The following CELSR1 variants were observed in gnomAD, a reference collection of about 807,000 sequenced individuals.
CELSR1 encodes the protein adhesion G protein-coupled receptor C1.
In CELSR1, 110 loss-of-function variants were observed where a neutral mutation model predicts 249.1. The ratio of observed to expected loss-of-function variants is 0.44; its 90% CI spans 0.38 to 0.52. CELSR1 has a LOEUF of 0.52. CELSR1 is among the 20% of genes least tolerant of loss of function. CELSR1 has a pLI of 0.00. For missense variants in CELSR1, 4,109 were observed against 4,296.4 expected, an observed-to-expected ratio of 0.96 and a Z score of 1.22; for synonymous variants, 2,113 against 1,900.0, an observed-to-expected ratio of 1.11 and a Z score of -2.92.
chr22:46,523,034 C>T (rs1403367522), intron 1 of CELSR1, among the ~76,000 whole-genome samples: 3 of 152,224 alleles, frequency 2.0e-5, no homozygotes, highest in African/African-American at 7.2e-5. Flanking sequence ...AACCGCCCTG[C>T]AACAATCAAC....
At chr22:46,457,057 C>CA (rs2079963571) in intron 2 of CELSR1, among the ~76,000 whole-genome samples, 1 of 152,226 alleles carries the variant, frequency 6.6e-6, no homozygotes, top group Non-Finnish European at 1.5e-5. Flanking sequence ...GAGCACCCGA[C>CA]ACTCCCGAAG....
intron 1 of CELSR1, chr22:46,530,386 T>C (rs1398188345): frequency 6.7e-6 from 1 of 150,064 alleles, no homozygotes; most frequent in African/African-American, 2.4e-5. Flanking sequence ...TAAATTGTTT[T>C]TCAAAAATAA....
chr22:46,482,713 CA>C (rs993831698), intron 1 of CELSR1, among the ~76,000 whole-genome samples: 1 of 145,072 alleles, frequency 6.9e-6, no homozygotes. Flanking sequence ...AATCCCGCCT[CA>C]AAAAAAAAAG....
In CELSR1 at chr22:46,437,607, C is replaced by T. The variant is rs529574635; in HGVS notation, c.4407-1318G>A. On this transcript the variant is annotated intron_variant, in intron 3 of 34. Coordinates refer to ENST00000674500, the MANE Select transcript of CELSR1 (RefSeq NM_001378328.1). The surrounding 1 kb of genome is among the most constrained non-coding windows in gnomAD (Gnocchi z 4.9). ...CTCTACTAAAAATACGAAAATTAGC[C>T]GGGCATGGTGGTGGGCACCTGTAAT... 2.6e-5 allele frequency among the ~76,000 whole-genome samples: 4 copies of T among 151,994 alleles called. No homozygotes were observed. The highest frequency in any genetic ancestry group is 1.9e-4 in the East Asian group (1 of 5,186).
Position 46,446,680 on chromosome 22 carries a change from G to C in CELSR1, c.4184-7269C>G, listed in dbSNP as rs2079825040. 6.6e-6 allele frequency among the ~76,000 whole-genome samples: 1 copy of C among 152,144 alleles called. No homozygotes were observed. Among genetic ancestry groups the C allele is most frequent in the South Asian group, 2.1e-4 (1 of 4,826 alleles). On this transcript the variant is annotated intron_variant, in intron 2 of 34. Coordinates refer to ENST00000674500, the MANE Select transcript of CELSR1 (RefSeq NM_001378328.1). This position sits in a 1 kb window ranked among gnomAD's most constrained non-coding sequence, Gnocchi z 5.5. ...TGTGAAATGAAGTCAAAAAATGCCA[G>C]GATTTCCCCAGTTCCAAGCCAATGA...
Position 46,533,734 on chromosome 22 carries a change from T to C in CELSR1, c.3437A>G (p.Asn1146Ser). 2 of 1,613,266 alleles carry C rather than the reference T, an allele frequency of 1.2e-6. No homozygotes were observed. The highest frequency in any genetic ancestry group is 1.7e-6 in the Non-Finnish European group (2 of 1,180,012). The change falls in exon 1 of 35, where the codon AAC (asparagine) becomes AGC (serine). Residue 1146 changes from asparagine to serine, a missense_variant. Coordinates refer to ENST00000674500, the MANE Select transcript of CELSR1 (RefSeq NM_001378328.1). ...DSLNYTFVQG[N>S]ELRLLLLDPA... is the part of the protein sequence containing the mutation. ...GTCCAGCAGCAACAGGCGCAGCTCG[T>C]TGCCCTGCACGAAGGTGTAGTTGAG...
chr22:46,490,691 C>T lies in CELSR1; in HGVS notation c.3545-26346G>A, dbSNP rs569817774. On this transcript the variant is annotated intron_variant, in intron 1 of 34. Transcript: ENST00000674500. This position sits in a 1 kb window ranked among gnomAD's most constrained non-coding sequence, Gnocchi z 5.2. ...CAGACTCAGGAAAGTGGTGGGTGTG[C>T]GGGGACACTTTAAAATACCAGAAAA... Among the ~76,000 whole-genome samples the T allele has an allele frequency of 1.3e-5, 2 of 152,218 alleles. No individual in the cohort carries two copies. Among genetic ancestry groups the T allele is most frequent in the South Asian group, 4.1e-4 (2 of 4,828 alleles).
intron 1 of CELSR1, among the ~76,000 whole-genome samples, chr22:46,533,046 G>A (rs1403590710): frequency 2.0e-5 from 3 of 152,192 alleles, no homozygotes. Flanking sequence ...AAGATCAAAT[G>A]AGGCTATGCT....
At chr22:46,372,429 T>TC (rs1345496928) in intron 25 of CELSR1, among the ~76,000 whole-genome samples, 1 of 47,556 alleles carries the variant, frequency 2.1e-5, no homozygotes, top group African/African-American at 1.1e-4. Context: ...ATCCATCCAC[T>TC]CATTCACCCC....
Position 46,364,086 on chromosome 22 carries a change from C to A in CELSR1, c.8945G>T (p.Ser2982Ile). ...GTCACGCCCCGGCTCCCTCCCAGGG[C>A]TCTTGACTGTGATGGCGCAGTCGGG... ...GGPDCAITVKSPGREPGRDHL... is the reference protein window; with the variant it reads ...GGPDCAITVKIPGREPGRDHL... Residue 2982 changes from serine to isoleucine, a missense_variant, in exon 34 of 35, where the codon AGC becomes ATC. Coordinates refer to ENST00000674500, the MANE Select transcript of CELSR1 (RefSeq NM_001378328.1). 1 of 1,612,412 alleles carries A rather than the reference C, an allele frequency of 6.2e-7. No individual in the cohort carries two copies. Among genetic ancestry groups the A allele is most frequent in the Non-Finnish European group, 8.5e-7 (1 of 1,179,702 alleles).
At chr22:46,461,082 G>A (rs898029923) in intron 2 of CELSR1, among the ~76,000 whole-genome samples, 3 of 152,178 alleles carry the variant, frequency 2.0e-5, no homozygotes, top group Non-Finnish European at 4.4e-5. Flanking sequence ...CCCCTCTGCC[G>A]ACAGCACCAC....
intron 24 of CELSR1, among the ~76,000 whole-genome samples, chr22:46,375,836 T>C (rs1416104095): frequency 1.3e-5 from 2 of 152,198 alleles, no homozygotes; most frequent in African/African-American, 4.8e-5. Context: ...TGAACCAACG[T>C]GCCCAGCCTA....
chr22:46,403,971 C>CAAAAAAAAAAAA (rs756055741), intron 9 of CELSR1, among the ~76,000 whole-genome samples: 2 of 48,416 alleles, frequency 4.1e-5, no homozygotes, highest in Non-Finnish European at 9.3e-5. Context: ...AACTCCGTCT[C>CAAAAAAAAAAAA]AAAAAAAAAA....
At position 46,381,542 on chromosome 22, in the gene CELSR1, G is replaced by A. The variant is rs1273427211; in HGVS notation, c.7088+304C>T. 1.3e-5 allele frequency among the ~76,000 whole-genome samples: 2 copies of A among 152,232 alleles called. No homozygotes were observed. Among genetic ancestry groups the A allele is most frequent in the African/African-American group, 2.4e-5 (1 of 41,464 alleles). ...GACAGCCTTGGGCCAGGTGTGTGGGGACAGAATGGGGTCCCTCTGGGCACA... is the reference window on the plus strand; with the variant it reads ...GACAGCCTTGGGCCAGGTGTGTGGGAACAGAATGGGGTCCCTCTGGGCACA... On this transcript the variant is annotated intron_variant, in intron 21 of 34. Coordinates refer to ENST00000674500, the MANE Select transcript of CELSR1 (RefSeq NM_001378328.1). The surrounding 1 kb of genome is among the most constrained non-coding windows in gnomAD (Gnocchi z 6.0).
Position 46,534,770 on chromosome 22 carries a change from C to A in CELSR1, c.2401G>T (p.Asp801Tyr). ...SSHYTVSVSEDRPVGTSIATL... is the reference protein window; with the variant it reads ...SSHYTVSVSEYRPVGTSIATL... The stretch of plus-strand genomic sequence containing the variant: ...GCAATGGAGGTGCCCACAGGCCTGT[C>A]CTCACTGACACTCACTGTGTAATGG... Residue 801 changes from aspartate to tyrosine, a missense_variant, in exon 1 of 35, where the codon GAC (aspartate) becomes TAC (tyrosine). Physicochemically the swap from Asp to Tyr is radical, Grantham distance 160. This residue lies in a region of CELSR1 where 886 missense variants were observed against 896.5 expected (regional missense o/e 0.99). Coordinates refer to ENST00000674500, the MANE Select transcript of CELSR1 (RefSeq NM_001378328.1). This position sits in a 1 kb window ranked among gnomAD's most constrained non-coding sequence, Gnocchi z 9.7. 1 of 1,613,136 alleles carries A rather than the reference C, an allele frequency of 6.2e-7. No homozygotes were observed. Among genetic ancestry groups the A allele is most frequent in the Non-Finnish European group, 8.5e-7 (1 of 1,180,004 alleles).
chr22:46,373,378 AT>A (rs990809035), intron 24 of CELSR1, among the ~76,000 whole-genome samples: 2 of 142,842 alleles, frequency 1.4e-5, no homozygotes, highest in African/African-American at 5.0e-5. Context: ...GCACTTGAAG[AT>A]GTGGCCCCAA....
rs762374578 is a variant in CELSR1 at position 46,365,697 on chromosome 22, G to T, written c.8301-8C>A. 7.7e-6 allele frequency: 12 copies of T among 1,559,852 alleles called. No individual in the cohort carries two copies. The highest frequency in any genetic ancestry group is 1.4e-5 in the African/African-American group (1 of 73,516). On this transcript the variant is annotated splice_polypyrimidine_tract_variant and splice_region_variant and intron_variant, in intron 30 of 34. Transcript: ENST00000674500. The stretch of plus-strand genomic sequence containing the variant: ...TTCTGGATCCCTTCATCCCTAGAGA[G>T]GCCAGGGAGGGTGGGCTCAGTATCA...
rs1218533991 is a variant in CELSR1 at position 46,423,432 on chromosome 22, C to T, written c.4611+9961G>A. On this transcript the variant is annotated intron_variant, in intron 5 of 34. Transcript: ENST00000674500. The surrounding 1 kb of genome is among the most constrained non-coding windows in gnomAD (Gnocchi z 5.6). ...AAGACCAGCCTCAACATGGAGAAACCCCGTCTCTACTAAAAATACAAAATT... is the reference window on the plus strand; with the variant it reads ...AAGACCAGCCTCAACATGGAGAAACTCCGTCTCTACTAAAAATACAAAATT... 6.6e-6 allele frequency among the ~76,000 whole-genome samples: 1 copy of T among 150,482 alleles called. No homozygotes were observed. Among genetic ancestry groups the T allele is most frequent in the Non-Finnish European group, 1.5e-5 (1 of 67,768 alleles).
chr22:46,399,720 G>T lies in CELSR1; in HGVS notation c.5409C>A (p.Asp1803Glu). The T allele has an allele frequency of 6.2e-7, 1 of 1,613,926 alleles. No individual in the cohort carries two copies. Among genetic ancestry groups the T allele is most frequent in the Non-Finnish European group, 8.5e-7 (1 of 1,179,820 alleles). ...LVTMTLDYGMDQNKADIGGML... is the reference protein window; with the variant it reads ...LVTMTLDYGMEQNKADIGGML... ...GGAGGTGCAGGTGCCAGCTCACCTG[G>T]TCCATCCCATAGTCCAAGGTCATGG... Residue 1803 changes from aspartate to glutamate, a missense_variant, in exon 10 of 35, where the codon GAC (aspartate) becomes GAA (glutamate). By Grantham distance (45) the Asp-to-Glu change is conservative (BLOSUM62 2). Coordinates refer to ENST00000674500, the MANE Select transcript of CELSR1 (RefSeq NM_001378328.1). The surrounding 1 kb of genome is among the most constrained non-coding windows in gnomAD (Gnocchi z 5.0).
Sources: allele counts gnomAD v4.1 joint callset (sites outside exome capture counted in the v4.1 genomes callset), GRCh38; gene constraint gnomAD v4.1.1; regional missense constraint gnomAD v4.1.1; non-coding constraint Gnocchi (gnomAD v3.1); transcripts MANE v1.5; gene names NCBI Gene and HGNC (gene_info 2026-07-23, HGNC 2026-07-21).